Variants in CORO2B observed in about 807,000 individuals in gnomAD.
The protein encoded by CORO2B is coronin-2B.
A neutral mutation model predicts 58.8 loss-of-function variants in CORO2B; 26 were observed. That is an observed-to-expected ratio of 0.44 (90% CI 0.32 to 0.61). The LOEUF (loss-of-function observed/expected upper bound fraction) is 0.61. CORO2B is among the 20% of genes least tolerant of loss of function. The pLI is 0.04. For synonymous variants in CORO2B, 242 were observed against 253.8 expected, an observed-to-expected ratio of 0.95 and a Z score of 0.44; for missense variants, 460 against 645.1, an observed-to-expected ratio of 0.71 and a Z score of 3.11.
At position 68,726,025 on chromosome 15, in the gene CORO2B, T is replaced by C; in HGVS notation, c.*51T>C. On this transcript the variant is annotated 3_prime_UTR_variant, in exon 12 of 12. Transcript: ENST00000261861. The stretch of plus-strand genomic sequence containing the variant: ...CCGATCTCTCCGTCGTTTCTACTCA[T>C]CCCTTAACTTCTCCCTTACCAGTGA... 1 of 1,602,990 alleles carries C rather than the reference T, an allele frequency of 6.2e-7. No individual in the cohort carries two copies. Among genetic ancestry groups the C allele is most frequent in the Non-Finnish European group, 8.5e-7 (1 of 1,178,574 alleles).
At chr15:68,589,253 A>G (rs1010889678) in intron 1 of CORO2B, among the ~76,000 whole-genome samples, 2 of 152,214 alleles carry the variant, frequency 1.3e-5, no homozygotes, top group African/African-American at 4.8e-5. Context: ...TCTTATGAGC[A>G]TGATCTTTGG....
At chr15:68,674,987 A>G (rs1423410431) in intron 2 of CORO2B, among the ~76,000 whole-genome samples, 1 of 152,218 alleles carries the variant, frequency 6.6e-6, no homozygotes, top group Non-Finnish European at 1.5e-5. Context: ...GGTATCAGTC[A>G]GCTAGAGAGT....
chr15:68,653,417 G>A (rs1370095934), intron 2 of CORO2B, among the ~76,000 whole-genome samples: 1 of 152,106 alleles, frequency 6.6e-6, no homozygotes, highest in East Asian at 1.9e-4. Context: ...CTCAGCCAAG[G>A]GGCCATTGGG....
chr15:68,632,847 C>T (rs1047240521), intron 1 of CORO2B, among the ~76,000 whole-genome samples: 6 of 152,198 alleles, frequency 3.9e-5, no homozygotes, highest in Admixed American at 6.5e-5. Flanking sequence ...CCGCCTTGGT[C>T]CCCCTAAGTG....
chr15:68,520,816 C>T, the CORO2B span, among the ~76,000 whole-genome samples: 8 of 152,230 alleles, frequency 5.3e-5, no homozygotes, highest in South Asian at 2.1e-4. Flanking sequence ...GAGGCCGAGG[C>T]GGGTGGATCA....
In CORO2B at chr15:68,608,663, C is replaced by A. The variant is rs1900180611; in HGVS notation, c.15+29386C>A. ...CCTCTGCTTCCCAGTTCCTCCTCTC[C>A]TAGGGAGGGAACTCCCCATGAACAA... On this transcript the variant is annotated intron_variant, in intron 1 of 11. Coordinates refer to ENST00000261861, the MANE Select transcript of CORO2B (RefSeq NM_006091.5). Among the ~76,000 whole-genome samples, 7 of 152,296 alleles carry A rather than the reference C, an allele frequency of 4.6e-5. 1 individual carries two copies. In the South Asian group the frequency reaches 1.4e-3, roughly 32 times the overall value.
the CORO2B span, among the ~76,000 whole-genome samples, chr15:68,552,271 C>T: frequency 6.6e-6 from 1 of 152,136 alleles, no homozygotes; most frequent in African/African-American, 2.4e-5. Context: ...TTTTGCTCTC[C>T]CAGCCTGGGA....
chr15:68,664,416 G>C (rs1410805462), intron 2 of CORO2B, among the ~76,000 whole-genome samples: 2 of 152,206 alleles, frequency 1.3e-5, no homozygotes, highest in African/African-American at 4.8e-5. Context: ...GGGAGGCCAA[G>C]ACAGGCGGAT....
intron 3 of CORO2B, among the ~76,000 whole-genome samples, chr15:68,701,950 T>C (rs1476461938): frequency 6.6e-6 from 1 of 152,112 alleles, no homozygotes; most frequent in Non-Finnish European, 1.5e-5. Flanking sequence ...AGAGTTTAAA[T>C]AACTTGCCCA....
At chr15:68,605,711 G>GGT (rs1900095113) in intron 1 of CORO2B, among the ~76,000 whole-genome samples, 1 of 99,092 alleles carries the variant, frequency 1.0e-5, no homozygotes, top group African/African-American at 4.7e-5. Context: ...GGGCTCTTGG[G>GGT]TTTTTTTTTT....
chr15:68,596,906 T>C (rs533156663), intron 1 of CORO2B, among the ~76,000 whole-genome samples: 1 of 152,278 alleles, frequency 6.6e-6, no homozygotes, highest in South Asian at 2.1e-4. Context: ...CTGGGGCCCA[T>C]GGAGCCCATC....
intron 2 of CORO2B, among the ~76,000 whole-genome samples, chr15:68,658,165 G>A (rs573079613): frequency 1.3e-3 from 197 of 152,306 alleles, no homozygotes; most frequent in Middle Eastern, 6.8e-3. Flanking sequence ...CCAAGGTCTC[G>A]CCAGCTCTGA....
At chr15:68,708,296 A>G (rs1892829239) in intron 3 of CORO2B, among the ~76,000 whole-genome samples, 2 of 147,492 alleles carry the variant, frequency 1.4e-5, no homozygotes, top group Non-Finnish European at 3.0e-5. Flanking sequence ...CCTGAGGGGC[A>G]CCCCAGTTCC....
chr15:68,716,873 G>A (rs563248311), intron 8 of CORO2B, among the ~76,000 whole-genome samples: 7 of 151,888 alleles, frequency 4.6e-5, no homozygotes, highest in South Asian at 2.1e-4. Context: ...CCATCGGAGA[G>A]GGGGGCAGGG....
chr15:68,618,107 G>A (rs1475953469), intron 1 of CORO2B, among the ~76,000 whole-genome samples: 1 of 151,930 alleles, frequency 6.6e-6, no homozygotes, highest in Non-Finnish European at 1.5e-5. Flanking sequence ...AAATCATTTT[G>A]TTGTGACCCA....
At chr15:68,653,049 A>G (rs1018588612) in intron 2 of CORO2B, among the ~76,000 whole-genome samples, 1 of 152,176 alleles carries the variant, frequency 6.6e-6, no homozygotes, top group African/African-American at 2.4e-5. Flanking sequence ...GATGTTTCCA[A>G]ACTCCATACA....
chr15:68,679,550 A>G (rs1356400861), intron 2 of CORO2B, among the ~76,000 whole-genome samples: 1 of 151,926 alleles, frequency 6.6e-6, no homozygotes, highest in Non-Finnish European at 1.5e-5. Flanking sequence ...AATAATAACT[A>G]CCATTTATCG....
At chr15:68,588,217 C>T (rs1050436390) in intron 1 of CORO2B, among the ~76,000 whole-genome samples, 2 of 152,226 alleles carry the variant, frequency 1.3e-5, no homozygotes, top group African/African-American at 4.8e-5. Flanking sequence ...GCCCACTTCT[C>T]CCCTGCTGTA....
At chr15:68,575,051 G>A (rs1471319488), upstream of CORO2B, among the ~76,000 whole-genome samples, 1 of 152,186 alleles carries the variant, frequency 6.6e-6, no homozygotes, top group Non-Finnish European at 1.5e-5. Context: ...ATCTGAAAGA[G>A]CCCAGACTTG....
Sources: gnomAD v4.1 joint callset for allele counts (sites outside exome capture counted in the v4.1 genomes callset) on GRCh38, gnomAD v4.1.1 for gene constraint, MANE v1.5 for transcripts, NCBI Gene and HGNC (gene_info 2026-07-23, HGNC 2026-07-21) for gene names.